Variants in OR51B5 observed in about 807,000 individuals in gnomAD.
The protein encoded by OR51B5 is olfactory receptor family 51 subfamily B member 5.
For synonymous variants in OR51B5, 186 were observed against 144.8 expected (o/e 1.28, Z -2.04); for missense variants, 456 against 374.6 (o/e 1.22, Z -1.79).
At chr11:5,440,931 T>G (rs766425060) in intron 1 of OR51B5, 1 of 1,613,892 alleles carries the variant, frequency 6.2e-7, no homozygotes, top group South Asian at 1.1e-5. Context: ...GTTGTTAACA[T>G]GGATGTCTCC....
rs144280863 is a variant in OR51B5, at chr11:5,361,563, G to A, written n.85-14653C>T. ...CTCCGCATAGGAATGAGCAGTAGAC[G>A]GTTGGCTTATCAGAGATTGCAGAGA... On this transcript the variant is annotated intron_variant and non_coding_transcript_variant, in intron 1 of 4. Transcript: ENST00000415970. Among the ~76,000 whole-genome samples the A allele has an allele frequency of 4.0e-3, 602 of 152,240 alleles. 2 individuals carry two copies. The highest frequency in any genetic ancestry group is 0.01 in the African/African-American group (425 of 41,538).
chr11:5,352,312 G>C (rs1564916552), intron 1 of OR51B5: 1 of 1,614,014 alleles, frequency 6.2e-7, no homozygotes, highest in South Asian at 1.1e-5. Context: ...TGTTCCTCAT[G>C]TCGTTCACAT....
chr11:5,358,094 G>A (rs1589952006), intron 1 of OR51B5, among the ~76,000 whole-genome samples: 1 of 151,488 alleles, frequency 6.6e-6, no homozygotes, highest in African/African-American at 2.4e-5. Flanking sequence ...AGAGAAGCAA[G>A]AGCAAACACA....
At chr11:5,358,405 A>C (rs1849227483) in intron 1 of OR51B5, among the ~76,000 whole-genome samples, 3 of 152,218 alleles carry the variant, frequency 2.0e-5, no homozygotes, top group Admixed American at 1.3e-4. Flanking sequence ...GAAATGGATA[A>C]ATTCCTTGAC....
intron 1 of OR51B5, among the ~76,000 whole-genome samples, chr11:5,485,484 G>C (rs1851485601): frequency 6.6e-6 from 1 of 152,158 alleles, no homozygotes. Context: ...ATTTGAGCCT[G>C]AACTTGCAGA....
chr11:5,495,042 T>C (rs1467414150), intron 1 of OR51B5, among the ~76,000 whole-genome samples: 2 of 152,168 alleles, frequency 1.3e-5, no homozygotes, highest in African/African-American at 4.8e-5. Context: ...TTCCAGCTGC[T>C]ATCCCCCTAG....
At position 5,459,579 on chromosome 11, in the gene OR51B5, G is replaced by A. The variant is rs1347498654; in HGVS notation, n.84+45990C>T. Among the ~76,000 whole-genome samples, 143 of 130,286 alleles carry A rather than the reference G, an allele frequency of 1.1e-3. 5 individuals are homozygous for A. The South Asian group carries it at 0.029, about 26-fold the overall frequency. 85.5% of individuals were successfully genotyped at this position (130,286 alleles called of 152,430 possible). The stretch of plus-strand genomic sequence containing the variant: ...AAAAAGTGGGCAAAAGACATGAACA[G>A]ACACTTCTCAAAAGAAGATATACAG... On this transcript the variant is annotated intron_variant and non_coding_transcript_variant, in intron 1 of 4. Coordinates refer to the OR51B5 transcript ENST00000415970.
chr11:5,471,604 C>T (rs1851230070), intron 1 of OR51B5, among the ~76,000 whole-genome samples: 1 of 149,986 alleles, frequency 6.7e-6, no homozygotes, highest in East Asian at 2.0e-4. Flanking sequence ...CCATTGCACT[C>T]CAGCCTGGGT....
At chr11:5,441,538 T>C (rs1290963877) in intron 1 of OR51B5, 2 of 1,573,702 alleles carry the variant, frequency 1.3e-6, no homozygotes, top group Admixed American at 1.7e-5. Flanking sequence ...AGATAGGGAA[T>C]GGACCCAAGA....
rs556423658 is a variant in OR51B5 at position 5,477,112 on chromosome 11, A to G, written n.84+28457T>C. Among the ~76,000 whole-genome samples, 6 of 152,318 alleles carry G rather than the reference A, an allele frequency of 3.9e-5. No individual in the cohort carries two copies. In the East Asian group the frequency reaches 9.7e-4, roughly 25 times the overall value. ...GGGAAGGAACTTTTAGAGGTGATGT[A>G]TATGTTTATGATATGGATTGTAGTG... On this transcript the variant is annotated intron_variant and non_coding_transcript_variant, in intron 1 of 4. Transcript: ENST00000415970.
intron 1 of OR51B5, among the ~76,000 whole-genome samples, chr11:5,417,889 TG>T (rs1365805034): frequency 1.9e-5 from 2 of 104,206 alleles, no homozygotes; most frequent in Middle Eastern, 4.1e-3. Context: ...AAATACCATT[TG>T]ACCCAGCCAT....
At chr11:5,505,531 T>A in intron 1 of OR51B5, 1 of 1,180,310 alleles carries the variant, frequency 8.5e-7, no homozygotes, top group Non-Finnish European at 1.1e-6. Flanking sequence ...TACCCGAGAC[T>A]GGGCAATTTA....
intron 1 of OR51B5, among the ~76,000 whole-genome samples, chr11:5,396,738 A>G (rs1034198636): frequency 1.3e-5 from 2 of 151,986 alleles, no homozygotes; most frequent in Non-Finnish European, 2.9e-5. Flanking sequence ...AAGAGCCCGC[A>G]TCGCCAAGTC....
intron 1 of OR51B5, chr11:5,430,624 A>T: frequency 2.3e-6 from 1 of 426,066 alleles, no homozygotes; most frequent in Non-Finnish European, 4.8e-6. Context: ...TTATGAATTT[A>T]ATGACAGTTC....
intron 1 of OR51B5, among the ~76,000 whole-genome samples, chr11:5,471,019 T>C (rs1027562701): frequency 1.3e-5 from 2 of 152,256 alleles, no homozygotes; most frequent in Non-Finnish European, 2.9e-5. Flanking sequence ...CCATGGATCA[T>C]AGAAGCTGCA....
intron 1 of OR51B5, among the ~76,000 whole-genome samples, chr11:5,385,054 C>T (rs1849665187): frequency 6.6e-6 from 1 of 152,200 alleles, no homozygotes; most frequent in African/African-American, 2.4e-5. Flanking sequence ...TATTTAGACA[C>T]AGGTGAGGTA....
chr11:5,442,539 G>A (rs544423143), intron 1 of OR51B5, among the ~76,000 whole-genome samples: 22 of 152,070 alleles, frequency 1.4e-4, no homozygotes, highest in Admixed American at 1.2e-3. Flanking sequence ...ATAAAGATGC[G>A]ATAACATTCT....
At chr11:5,343,230 C>A in exon 1 of OR51B5, 2 of 1,613,698 alleles carry the variant, frequency 1.2e-6, no homozygotes, top group Non-Finnish European at 8.5e-7. Context: ...ATAAAGTAGG[C>A]CTGGGAAAAG....
chr11:5,422,889 C>T (rs758906786), intron 1 of OR51B5: 5 of 1,614,084 alleles, frequency 3.1e-6, no homozygotes, highest in South Asian at 1.1e-5. Flanking sequence ...ATCTTGGGCA[C>T]AGCCACCTGG....
Sources: allele counts gnomAD v4.1 joint callset (sites outside exome capture counted in the v4.1 genomes callset), GRCh38; gene constraint gnomAD v4.1.1; transcripts MANE v1.5; gene names NCBI Gene and HGNC (gene_info 2026-07-23, HGNC 2026-07-21).